Variants in ARHGAP12 observed in about 807,000 individuals in gnomAD.
ARHGAP12 encodes the protein rho GTPase-activating protein 12.
ARHGAP12 carries 64 observed loss-of-function variants against 108.6 expected under a neutral mutation model. That is an observed-to-expected ratio of 0.59 (90% CI 0.48 to 0.73). ARHGAP12 has a LOEUF of 0.73. Among genes scored for constraint, ARHGAP12 ranks in the 30% least tolerant of loss-of-function variants. ARHGAP12 has a pLI of 0.00. For synonymous variants in ARHGAP12, 312 were observed against 337.2 expected (o/e 0.93, Z 0.82); for missense variants, 940 against 1,005.9 (o/e 0.93, Z 0.89).
At chr10:31,877,771 G>A (rs988987455) in intron 3 of ARHGAP12, among the ~76,000 whole-genome samples, 1 of 152,178 alleles carries the variant, frequency 6.6e-6, no homozygotes, top group Non-Finnish European at 1.5e-5. Context: ...ACACACTCAA[G>A]GAAGATATTT....
intron 3 of ARHGAP12, among the ~76,000 whole-genome samples, chr10:31,905,109 C>A (rs1404689558): frequency 6.6e-6 from 1 of 151,600 alleles, no homozygotes; most frequent in Non-Finnish European, 1.5e-5. Context: ...AGAATATATA[C>A]ATAAGTAAAA....
intron 3 of ARHGAP12, among the ~76,000 whole-genome samples, chr10:31,867,053 T>G (rs1837353359): frequency 6.6e-6 from 1 of 152,124 alleles, no homozygotes; most frequent in Non-Finnish European, 1.5e-5. Context: ...ATAATTAGGT[T>G]TATTGACAAT....
chr10:31,816,838 G>A (rs755749607), intron 13 of ARHGAP12, among the ~76,000 whole-genome samples: 11 of 152,012 alleles, frequency 7.2e-5, no homozygotes, highest in Admixed American at 2.6e-4. Context: ...AGGAATAAAC[G>A]GAAAAGAAAG....
rs116336975 is a variant in ARHGAP12 at position 31,826,249 on chromosome 10, G to A, written c.1530+55C>T. The A allele has an allele frequency of 2.4e-4, 332 of 1,391,774 alleles. No homozygotes were observed. In the African/African-American group the frequency reaches 3.4e-3, roughly 14 times the overall value. The allele number at this position is 1,391,774 out of a possible 1,614,324, so 86.2% of individuals were successfully genotyped here. A position where few individuals can be genotyped will look rare whatever the true frequency, so the allele number is the denominator to read the frequency against. ...AAATTACCTCCTGAAATTCAGGTAC[G>A]ATACTATTCACATAATTTAAATGTA... is the stretch of plus-strand genomic sequence containing the variant. On this transcript the variant is annotated intron_variant, in intron 11 of 19. Transcript: ENST00000344936.
At chr10:31,890,746 A>T (rs1010493622) in intron 3 of ARHGAP12, among the ~76,000 whole-genome samples, 1 of 152,214 alleles carries the variant, frequency 6.6e-6, no homozygotes, top group African/African-American at 2.4e-5. Flanking sequence ...CCATCTATGT[A>T]GAAACAGATT....
chr10:31,845,218 T>G (rs1473892970), intron 6 of ARHGAP12, among the ~76,000 whole-genome samples: 1 of 152,250 alleles, frequency 6.6e-6, no homozygotes, highest in African/African-American at 2.4e-5. Flanking sequence ...TAATTTCATA[T>G]CCAGCAACTT....
intron 3 of ARHGAP12, among the ~76,000 whole-genome samples, chr10:31,894,810 T>G (rs137994926): frequency 0.2 from 30,318 of 151,588 alleles, 3,357 homozygotes; most frequent in East Asian, 0.39. Flanking sequence ...AAGCCAAAAG[T>G]ACAAAGCTGG....
At chr10:31,845,365 C>T (rs1592281401) in intron 6 of ARHGAP12, among the ~76,000 whole-genome samples, 1 of 152,162 alleles carries the variant, frequency 6.6e-6, no homozygotes, top group African/African-American at 2.4e-5. Flanking sequence ...TGAATAGAAG[C>T]GTGATAGAAA....
intron 16 of ARHGAP12, 29 bp downstream of exon 16, chr10:31,810,619 TA>T (rs3840745): frequency 0.22 from 274,386 of 1,250,896 alleles, 20,829 homozygotes; most frequent in East Asian, 0.39. Flanking sequence ...TGCTTAATGT[TA>T]AAAAAAAAAA....
chr10:31,886,002 T>C (rs1838175051), intron 3 of ARHGAP12, among the ~76,000 whole-genome samples: 2 of 152,156 alleles, frequency 1.3e-5, no homozygotes, highest in African/African-American at 4.8e-5. Flanking sequence ...ACATTCATGG[T>C]TTTCTAAAAT....
chr10:31,875,247 A>G (rs1291200207), intron 3 of ARHGAP12, among the ~76,000 whole-genome samples: 2 of 152,180 alleles, frequency 1.3e-5, no homozygotes, highest in Non-Finnish European at 2.9e-5. Context: ...GATCTTTAAG[A>G]AATTCTCTAG....
chr10:31,927,146 C>T (rs1234964314), intron 1 of ARHGAP12, among the ~76,000 whole-genome samples: 2 of 152,164 alleles, frequency 1.3e-5, no homozygotes, highest in Non-Finnish European at 2.9e-5. Context: ...GACGGTCTGG[C>T]TCGTCAGGTG....
chr10:31,901,835 T>G (rs917132458), intron 3 of ARHGAP12, among the ~76,000 whole-genome samples: 2 of 152,162 alleles, frequency 1.3e-5, no homozygotes, highest in African/African-American at 4.8e-5. Context: ...CACTCCTATC[T>G]TGAAGGCCAG....
intron 10 of ARHGAP12, among the ~76,000 whole-genome samples, chr10:31,827,455 T>A (rs1404878192): frequency 6.6e-6 from 1 of 152,118 alleles, no homozygotes; most frequent in Non-Finnish European, 1.5e-5. Context: ...ACTGCAGGGA[T>A]TTATTAAAGC....
intron 3 of ARHGAP12, among the ~76,000 whole-genome samples, chr10:31,897,095 AAAC>A (rs1314254990): frequency 3.3e-5 from 5 of 152,314 alleles, no homozygotes; most frequent in African/African-American, 9.6e-5. Flanking sequence ...TTACTTCCAA[AAAC>A]AACATCAGCT....
rs1047550443 is a variant in ARHGAP12 at position 31,814,144 on chromosome 10, C to T, written c.1834+115G>A. ...CTGAGACTGCACTTGGTTAACTGCA[C>T]AGCCCTTTTGTAACATTGGACATTC... On this transcript the variant is annotated intron_variant, in intron 14 of 19. Transcript: ENST00000344936. The T allele has an allele frequency of 7.4e-6, 6 of 808,812 alleles. No homozygotes were observed. In the Admixed American group the frequency reaches 9.0e-5, roughly 12 times the overall value. The allele number at this position is 808,812 out of a possible 1,614,324, so 50.1% of individuals were successfully genotyped here.
intron 10 of ARHGAP12, among the ~76,000 whole-genome samples, chr10:31,830,445 A>G (rs1353855710): frequency 3.3e-5 from 5 of 152,160 alleles, no homozygotes; most frequent in African/African-American, 7.2e-5. Flanking sequence ...CCGAAGAGCT[A>G]TCTGCACTAC....
chr10:31,814,242 G>A lies in ARHGAP12; in HGVS notation c.1834+17C>T, dbSNP rs767883338. On this transcript the variant is annotated intron_variant, in intron 14 of 19. Transcript: ENST00000344936. Reference sequence around the variant, plus strand: ...ACAAGCACAAATCCTTAGCAAAATAGGGAAAGGACAACTTACAACGAAGCT... The same window carrying A: ...ACAAGCACAAATCCTTAGCAAAATAAGGAAAGGACAACTTACAACGAAGCT... 6.3e-7 allele frequency: 1 copy of A among 1,594,194 alleles called. No individual in the cohort carries two copies. Among genetic ancestry groups the A allele is most frequent in the South Asian group, 1.1e-5 (1 of 90,554 alleles).
intron 12 of ARHGAP12, among the ~76,000 whole-genome samples, chr10:31,819,134 T>G (rs1405692573): frequency 6.6e-6 from 1 of 151,548 alleles, no homozygotes; most frequent in Non-Finnish European, 1.5e-5. Flanking sequence ...ATATTATTTT[T>G]AAATAAATAT....
Sources: allele counts gnomAD v4.1 joint callset (sites outside exome capture counted in the v4.1 genomes callset), GRCh38; gene constraint gnomAD v4.1.1; transcripts MANE v1.5; gene names NCBI Gene and HGNC (gene_info 2026-07-23, HGNC 2026-07-21).